The following ARL15 variants were observed in gnomAD, a reference collection of about 807,000 sequenced individuals.
The protein encoded by ARL15 is ARF like GTPase 15.
ARL15 carries 19 observed loss-of-function variants against 25.2 expected under a neutral mutation model. That is an observed-to-expected ratio of 0.75 (90% CI 0.53 to 1.10). The LOEUF (loss-of-function observed/expected upper bound fraction) is 1.10, where lower values mean the gene tolerates loss of function less well. Ranked by LOEUF, ARL15 falls within the 50% of genes least tolerant of loss-of-function variation. The pLI, the probability that ARL15 is intolerant of heterozygous loss-of-function variation, is 0.00. For synonymous variants in ARL15, 94 were observed against 86.8 expected (o/e 1.08, Z -0.46); for missense variants, 220 against 246.0 (o/e 0.89, Z 0.71).
chr5:54,183,766 C>T (rs1396665995), intron 1 of ARL15, among the ~76,000 whole-genome samples: 3 of 150,818 alleles, frequency 2.0e-5, no homozygotes, highest in African/African-American at 7.3e-5. Context: ...ACCCAAATGA[C>T]TATAAATCAT....
chr5:53,923,773 G>C (rs1745929325), intron 4 of ARL15, among the ~76,000 whole-genome samples: 1 of 152,160 alleles, frequency 6.6e-6, no homozygotes, highest in Non-Finnish European at 1.5e-5. Context: ...GCTGAGGCAG[G>C]AGAATGGCAT....
chr5:54,056,581 C>T (rs1424501010), intron 4 of ARL15, among the ~76,000 whole-genome samples: 1 of 147,614 alleles, frequency 6.8e-6, no homozygotes, highest in East Asian at 2.0e-4. Context: ...AGTGAGCCAA[C>T]ATTGCGCCAC....
chr5:53,981,550 T>A (rs1463404065), intron 4 of ARL15, among the ~76,000 whole-genome samples: 1 of 152,154 alleles, frequency 6.6e-6, no homozygotes, highest in East Asian at 1.9e-4. Flanking sequence ...TTATAAGGAT[T>A]CCTAATTTAA....
chr5:54,220,995 G>A (rs901900696), intron 1 of ARL15, among the ~76,000 whole-genome samples: 8 of 150,398 alleles, frequency 5.3e-5, no homozygotes, highest in South Asian at 2.1e-4. Flanking sequence ...CCCAACCCCC[G>A]CCAAAAAAAT....
chr5:54,158,146 T>C lies in ARL15; in HGVS notation c.194-3507A>G, dbSNP rs572951629. Among the ~76,000 whole-genome samples, 24 of 152,140 alleles carry C rather than the reference T, an allele frequency of 1.6e-4. No individual in the cohort carries two copies. In the South Asian group the frequency reaches 4.6e-3, roughly 29 times the overall value. ...AGGAGGGATACCAAAGGTCAAACCA[T>C]CAAAATACCTTTCTCAAAGGGTTGC... On this transcript the variant is annotated intron_variant, in intron 2 of 4. Coordinates refer to ENST00000504924, the MANE Select transcript of ARL15 (RefSeq NM_019087.3).
At chr5:54,143,226 G>A (rs1056099933) in intron 3 of ARL15, among the ~76,000 whole-genome samples, 10 of 151,952 alleles carry the variant, frequency 6.6e-5, no homozygotes, top group African/African-American at 1.7e-4. Flanking sequence ...ATTGTGGATC[G>A]ATCTGTTGAC....
chr5:54,193,173 C>T (rs1489761491), intron 1 of ARL15, among the ~76,000 whole-genome samples: 1 of 152,110 alleles, frequency 6.6e-6, no homozygotes, highest in Non-Finnish European at 1.5e-5. Flanking sequence ...TCAATCCTAC[C>T]ACCCACAAAA....
Position 54,157,602 on chromosome 5 carries a change from G to A in ARL15, c.194-2963C>T, listed in dbSNP as rs1458566390. The stretch of plus-strand genomic sequence containing the variant: ...AATGTTTTGTATTTTTAGTAGAGAT[G>A]GGGTTTCACCATGTTAGCCAGCATG... On this transcript the variant is annotated intron_variant, in intron 2 of 4. Coordinates refer to ENST00000504924, the MANE Select transcript of ARL15 (RefSeq NM_019087.3). Among the ~76,000 whole-genome samples, 4 of 151,956 alleles carry A rather than the reference G, an allele frequency of 2.6e-5. No homozygotes were observed. In the South Asian group the frequency reaches 8.3e-4, roughly 32 times the overall value.
intron 1 of ARL15, among the ~76,000 whole-genome samples, chr5:54,192,761 G>A (rs758810751): frequency 6.6e-5 from 10 of 152,048 alleles, no homozygotes; most frequent in African/African-American, 1.7e-4. Flanking sequence ...AACAGAAAAC[G>A]TAAGTGTCAT....
intron 4 of ARL15, among the ~76,000 whole-genome samples, chr5:54,095,616 A>G (rs1002609322): frequency 1.2e-4 from 18 of 152,268 alleles, no homozygotes; most frequent in African/African-American, 3.9e-4. Flanking sequence ...ACAAAGATAG[A>G]CAGGACAGTA....
intron 1 of ARL15, among the ~76,000 whole-genome samples, chr5:54,173,185 GAAAAA>G (rs551489130): frequency 3.3e-5 from 4 of 121,042 alleles, no homozygotes; most frequent in Admixed American, 1.7e-4. Context: ...CTCCATCTCA[GAAAAA>G]AAAAAAAAAG....
chr5:54,050,429 A>G (rs184465185), intron 4 of ARL15, among the ~76,000 whole-genome samples: 2 of 152,338 alleles, frequency 1.3e-5, no homozygotes, highest in Non-Finnish European at 2.9e-5. Context: ...GTTCTGCAAT[A>G]TAACTATTAG....
intron 4 of ARL15, among the ~76,000 whole-genome samples, chr5:53,939,191 T>A (rs1746448924): frequency 6.6e-6 from 1 of 152,186 alleles, no homozygotes; most frequent in Non-Finnish European, 1.5e-5. Flanking sequence ...GAAAAGGCAA[T>A]TGTTCATTTT....
intron 1 of ARL15, among the ~76,000 whole-genome samples, chr5:54,294,087 T>C (rs1286564435): frequency 1.3e-5 from 2 of 152,224 alleles, no homozygotes; most frequent in African/African-American, 4.8e-5. Context: ...ACTGTCTTGC[T>C]CTTCTTTAAA....
chr5:53,973,296 G>A (rs1034267600), intron 4 of ARL15, among the ~76,000 whole-genome samples: 4 of 151,986 alleles, frequency 2.6e-5, no homozygotes, highest in African/African-American at 7.2e-5. Context: ...AAATTAGGCC[G>A]GGCATGGTGG....
chr5:53,964,304 C>T (rs1478215411), intron 4 of ARL15, among the ~76,000 whole-genome samples: 1 of 152,148 alleles, frequency 6.6e-6, no homozygotes, highest in Non-Finnish European at 1.5e-5. Context: ...TTAGTATCTT[C>T]TCCCTTGAGA....
At chr5:54,224,240 G>A (rs1402533455) in intron 1 of ARL15, among the ~76,000 whole-genome samples, 1 of 152,146 alleles carries the variant, frequency 6.6e-6, no homozygotes, top group Admixed American at 6.5e-5. Flanking sequence ...GACCCTGCAC[G>A]CAACTGAAAG....
chr5:54,094,079 A>G, intron 4 of ARL15, among the ~76,000 whole-genome samples: 1 of 152,322 alleles, frequency 6.6e-6, no homozygotes, highest in South Asian at 2.1e-4. Flanking sequence ...GTGGTTCTCA[A>G]GACTTGAGGC....
chr5:54,035,816 C>G (rs374050), intron 4 of ARL15, among the ~76,000 whole-genome samples: 47,754 of 151,748 alleles, frequency 0.31, 8,684 homozygotes, highest in African/African-American at 0.5. Context: ...TTTTTAAAAC[C>G]CAAGTCCATT....
Sources: allele counts gnomAD v4.1 joint callset (sites outside exome capture counted in the v4.1 genomes callset), GRCh38; gene constraint gnomAD v4.1.1; transcripts MANE v1.5; gene names NCBI Gene and HGNC (gene_info 2026-07-23, HGNC 2026-07-21).